The following IL3RA variants were observed in gnomAD, a reference collection of about 807,000 sequenced individuals.
IL3RA encodes the protein interleukin-3 receptor subunit alpha.
Under a neutral mutation model 52.3 loss-of-function variants are expected in IL3RA, and 73 were observed. The ratio of observed to expected loss-of-function variants is 1.40; its 90% CI spans 1.16 to 1.70. IL3RA has a LOEUF of 1.70. Among genes scored for constraint, IL3RA ranks in the 40% most tolerant of loss-of-function variants. The pLI is 0.00. For synonymous variants in IL3RA, 260 were observed against 194.0 expected (o/e 1.34, Z -2.83); for missense variants, 664 against 504.4 (o/e 1.32, Z -3.03).
At chrX:1,344,053 C>G (rs1457991537) in intron 2 of IL3RA, among the ~76,000 whole-genome samples, 2 of 152,002 alleles carry the variant, frequency 1.3e-5, no homozygotes, top group Non-Finnish European at 2.9e-5. Flanking sequence ...CTTGGCCTCC[C>G]AAAGTGCTGG....
intron 10 of IL3RA, among the ~76,000 whole-genome samples, chrX:1,379,884 C>G (rs1481262563): frequency 6.6e-6 from 1 of 152,214 alleles, no homozygotes; most frequent in Non-Finnish European, 1.5e-5. Flanking sequence ...CTCAGCCTCC[C>G]TGAGTAGCTG....
intron 2 of IL3RA, among the ~76,000 whole-genome samples, chrX:1,344,526 G>A (rs1290466378): frequency 1.6e-4 from 24 of 151,632 alleles, no homozygotes; most frequent in Non-Finnish European, 2.6e-4. Flanking sequence ...TGTAATCCCA[G>A]CACTTTGAGA....
At position 1,362,845 on chromosome X, in the gene IL3RA, A is replaced by G. The variant is rs777852475; in HGVS notation, c.760-2293A>G. Among the ~76,000 whole-genome samples the G allele has an allele frequency of 7.9e-5, 12 of 151,506 alleles. No homozygotes were observed. The East Asian group carries it at 2.1e-3, about 27-fold the overall frequency. On this transcript the variant is annotated intron_variant, in intron 8 of 11. Transcript: ENST00000331035. The stretch of plus-strand genomic sequence containing the variant: ...GGCTGGAGTGCAGTGGTGCGATCTC[A>G]GCTCACTGCAACCTCCGCCTCCCAG...
rs748755472 is a variant in IL3RA at position 1,365,124 on chromosome X, C to T, written c.760-14C>T. The T allele has an allele frequency of 1.9e-6, 3 of 1,593,394 alleles. No individual in the cohort carries two copies. Among genetic ancestry groups the T allele is most frequent in the African/African-American group, 2.7e-5 (2 of 74,464 alleles). On this transcript the variant is annotated splice_polypyrimidine_tract_variant and intron_variant, in intron 8 of 11. Coordinates refer to ENST00000331035, the MANE Select transcript of IL3RA (RefSeq NM_002183.4). ...ATACCTGGCCCCTCTTCTTTATTTT[C>T]TTTCAAACCACAGGTCAGAGACAGA...
In IL3RA at chrX:1,380,637, GA is replaced by G. The variant is rs1413214807; in HGVS notation, c.981-385del. On this transcript the variant is annotated intron_variant, in intron 10 of 11. Transcript: ENST00000331035. Reference sequence around the variant, plus strand: ...ATGAGTGGGGAGGGGGAAGGAGGGAGAGGGGGAGGGGGAGAGGGAGGGGTAG... The same window carrying G: ...ATGAGTGGGGAGGGGGAAGGAGGGAGGGGGGAGGGGGAGAGGGAGGGGTAG... 4.5e-4 allele frequency among the ~76,000 whole-genome samples: 33 copies of G among 72,958 alleles called. 1 individual carries two copies. Among genetic ancestry groups the G allele is most frequent in the African/African-American group, 1.1e-3 (21 of 18,786 alleles). The allele number at this position is 72,958 out of a possible 152,430, so 47.9% of individuals were successfully genotyped here. A position where few individuals can be genotyped will look rare whatever the true frequency, so the allele number is the denominator to read the frequency against.
intron 2 of IL3RA, among the ~76,000 whole-genome samples, chrX:1,343,184 C>G (rs1464004838): frequency 3.3e-5 from 5 of 152,060 alleles, no homozygotes; most frequent in African/African-American, 7.2e-5. Flanking sequence ...TGCCAGAAGT[C>G]TAGACATTCT....
intron 8 of IL3RA, among the ~76,000 whole-genome samples, chrX:1,361,111 C>G (rs1225631763): frequency 2.6e-5 from 2 of 77,978 alleles, no homozygotes; most frequent in Admixed American, 1.3e-4. Context: ...CTCCCTTCCC[C>G]TCTCTGTCTC....
chrX:1,346,652 C>T (rs1848818126), intron 3 of IL3RA, among the ~76,000 whole-genome samples: 2 of 148,342 alleles, frequency 1.3e-5, no homozygotes, highest in Non-Finnish European at 2.9e-5. Context: ...AAAGTGTGTG[C>T]TCAGGAAACA....
intron 8 of IL3RA, among the ~76,000 whole-genome samples, chrX:1,363,753 T>C (rs1384971418): frequency 6.6e-6 from 1 of 152,012 alleles, no homozygotes; most frequent in Non-Finnish European, 1.5e-5. Context: ...AGGCTCTCAC[T>C]CTGTCACCCA....
At position 1,348,647 on chromosome X, in the gene IL3RA, TTTC is replaced by T. The variant is rs1569520673; in HGVS notation, c.298+105_298+107del. On this transcript the variant is annotated intron_variant, in intron 4 of 11. Coordinates refer to ENST00000331035, the MANE Select transcript of IL3RA (RefSeq NM_002183.4). The stretch of plus-strand genomic sequence containing the variant: ...GTGTCTTTTTTCTTTTCTTTTTCTC[TTTC>T]TTTCTTTCTTTCTTTCTTTCTTTCT... The T allele has an allele frequency of 1.1e-3, 326 of 308,036 alleles. 5 individuals carry two copies. The highest frequency in any genetic ancestry group is 9.4e-3 in the African/African-American group (126 of 13,470). The allele number at this position is 308,036 out of a possible 1,614,324, so 19.1% of individuals were successfully genotyped here.
At chrX:1,364,061 G>A (rs1408766642) in intron 8 of IL3RA, among the ~76,000 whole-genome samples, 1 of 151,884 alleles carries the variant, frequency 6.6e-6, no homozygotes, top group East Asian at 1.9e-4. Context: ...GGTAGCGGGT[G>A]CCTGTAGTCC....
chrX:1,377,803 T>C (rs1343947939), intron 9 of IL3RA, among the ~76,000 whole-genome samples: 2 of 148,970 alleles, frequency 1.3e-5, no homozygotes, highest in African/African-American at 4.9e-5. Context: ...GAGAATCGTT[T>C]GAATCCGGGA....
intron 8 of IL3RA, among the ~76,000 whole-genome samples, chrX:1,360,686 CTTT>C (rs113939418): frequency 1.4e-5 from 2 of 145,016 alleles, no homozygotes; most frequent in South Asian, 2.2e-4. Flanking sequence ...GCCCAACTAA[CTTT>C]TTTTTTTTTT....
At chrX:1,380,810 C>T (rs377175410) in intron 10 of IL3RA, among the ~76,000 whole-genome samples, 51 of 151,680 alleles carry the variant, frequency 3.4e-4, no homozygotes, top group African/African-American at 1.1e-3. Flanking sequence ...CCGGTACCAG[C>T]GCCCTACTCC....
intron 8 of IL3RA, among the ~76,000 whole-genome samples, chrX:1,363,921 G>A (rs12384107): frequency 0.019 from 2,903 of 151,462 alleles, 91 homozygotes; most frequent in East Asian, 0.15. Flanking sequence ...GGTGGCTCAC[G>A]CTGGTAATCC....
At chrX:1,378,631 C>T in intron 9 of IL3RA, 28 bp from the exon 10 acceptor site, 1 of 1,598,004 alleles carries the variant, frequency 6.3e-7, no homozygotes, top group Non-Finnish European at 8.6e-7. Flanking sequence ...GGCCCCCGGT[C>T]TGTGACCCTC....
In IL3RA at chrX:1,377,747, C is replaced by CCT. The variant is rs745969377; in HGVS notation, c.875-910_875-909dup. 7.1e-3 allele frequency among the ~76,000 whole-genome samples: 1,058 copies of CCT among 149,218 alleles called. 10 individuals carry two copies. Among genetic ancestry groups the CCT allele is most frequent in the African/African-American group, 0.024 (981 of 40,754 alleles). ...GTGGCGCGATCACGGCTCACTGTAGCCTCGACCTCCTGGGCTCAAGCGATC... is the reference window on the plus strand; with the variant it reads ...GTGGCGCGATCACGGCTCACTGTAGCCTCTCGACCTCCTGGGCTCAAGCGATC... On this transcript the variant is annotated intron_variant, in intron 9 of 11. Coordinates refer to ENST00000331035, the MANE Select transcript of IL3RA (RefSeq NM_002183.4).
chrX:1,361,350 A>T (rs188885833), intron 8 of IL3RA, among the ~76,000 whole-genome samples: 1 of 151,378 alleles, frequency 6.6e-6, no homozygotes, highest in Non-Finnish European at 1.5e-5. Context: ...TTTATAAACA[A>T]AAGAGGGTTC....
intron 10 of IL3RA, among the ~76,000 whole-genome samples, chrX:1,379,064 AATTCCT>A (rs1406181440): frequency 1.3e-5 from 2 of 152,004 alleles, no homozygotes; most frequent in Non-Finnish European, 2.9e-5. Flanking sequence ...GCTGGTCTTG[AATTCCT>A]GGACTCAGGT....
Sources: gnomAD v4.1 joint callset for allele counts (sites outside exome capture counted in the v4.1 genomes callset) on GRCh38, gnomAD v4.1.1 for gene constraint, MANE v1.5 for transcripts, NCBI Gene and HGNC (gene_info 2026-07-23, HGNC 2026-07-21) for gene names.